DSE: variants seen among roughly 807,000 people sequenced by gnomAD.
The protein encoded by DSE is dermatan-sulfate epimerase.
Under a neutral mutation model 84.4 loss-of-function variants are expected in DSE, and 36 were observed. That is an observed-to-expected ratio of 0.43 (90% confidence interval 0.33 to 0.56). The LOEUF (loss-of-function observed/expected upper bound fraction) is 0.56. Ranked by LOEUF, DSE falls within the 20% of genes least tolerant of loss-of-function variation. DSE has a pLI of 0.06. For synonymous variants in DSE, 410 were observed against 430.1 expected, an observed-to-expected ratio of 0.95 and a Z score of 0.58; for missense variants, 862 against 1,169.6, an observed-to-expected ratio of 0.74 and a Z score of 3.84.
chr6:116,311,591 TAAAA>T (rs1444809860), intron 2 of DSE, among the ~76,000 whole-genome samples: 2 of 152,060 alleles, frequency 1.3e-5, no homozygotes, highest in African/African-American at 4.8e-5. Flanking sequence ...AATGCACCAA[TAAAA>T]AAGAATGAAG....
intron 2 of DSE, among the ~76,000 whole-genome samples, chr6:116,283,520 A>G (rs1047440629): frequency 3.2e-4 from 42 of 132,308 alleles, no homozygotes; most frequent in African/African-American, 1.3e-3. Context: ...AGGTTTGGGT[A>G]GATTCTTTGT....
At position 116,436,915 on chromosome 6, in the gene DSE, A is replaced by G. The variant is rs1784197258; in HGVS notation, c.2447A>G (p.Tyr816Cys). ...SKKNRRAGKR[Y>C]KFVDAVPDIF... is the part of the protein sequence containing the mutation. Reference sequence around the variant, plus strand: ...AAAAACCGAAGGGCAGGCAAACGCTATAAATTTGTGGATGCTGTCCCTGAT... The same window carrying G: ...AAAAACCGAAGGGCAGGCAAACGCTGTAAATTTGTGGATGCTGTCCCTGAT... The change falls in exon 6 of 6, where the codon TAT becomes TGT. Residue 816 changes from tyrosine (Y) to cysteine (C), a missense_variant. By Grantham distance (194) the Tyr-to-Cys change is radical. Transcript: ENST00000644252. 2 of 1,614,052 alleles carry G rather than the reference A, an allele frequency of 1.2e-6. No homozygotes were observed. Among genetic ancestry groups the G allele is most frequent in the Admixed American group, 3.3e-5 (2 of 59,996 alleles).
chr6:116,364,604 T>C (rs1381703988), intron 2 of DSE, among the ~76,000 whole-genome samples: 1 of 152,212 alleles, frequency 6.6e-6, no homozygotes, highest in Non-Finnish European at 1.5e-5. Context: ...TTAACTGCAA[T>C]ATGAAGTCAA....
At chr6:116,276,869 CA>C (rs1773166825) in intron 2 of DSE, 1 of 152,120 alleles carries the variant, frequency 6.6e-6, no homozygotes, top group Non-Finnish European at 1.5e-5. Flanking sequence ...AAGTTGTTAC[CA>C]GGGAAAATTA....
intron 2 of DSE, among the ~76,000 whole-genome samples, chr6:116,269,648 C>G (rs9400896): frequency 3.3e-5 from 5 of 152,048 alleles, no homozygotes; most frequent in Admixed American, 3.3e-4. Context: ...GTATTTTGGG[C>G]TGATAGGGAA....
chr6:116,414,426 T>C (rs1782569394), intron 2 of DSE, among the ~76,000 whole-genome samples: 1 of 152,178 alleles, frequency 6.6e-6, no homozygotes, highest in Non-Finnish European at 1.5e-5. Flanking sequence ...CTCATTTTTT[T>C]TTTTAGGTGG....
In DSE at chr6:116,435,469, T is replaced by C. The variant is rs1234535555; in HGVS notation, c.1119-118T>C. ...GATATTTTTAGAATTGTCCCTAATA[T>C]ACTCTGCACTGCCAGTGCTCTGGGT... On this transcript the variant is annotated intron_variant, in intron 5 of 5. Coordinates refer to ENST00000644252, the MANE Select transcript of DSE (RefSeq NM_013352.4). The C allele has an allele frequency of 1.1e-5, 11 of 991,298 alleles. No homozygotes were observed. In the East Asian group the frequency reaches 1.3e-4, roughly 12 times the overall value. The allele number at this position is 991,298 out of a possible 1,614,324, so 61.4% of individuals were successfully genotyped here. A position where few individuals can be genotyped will look rare whatever the true frequency, so the allele number is the denominator to read the frequency against.
intron 2 of DSE, among the ~76,000 whole-genome samples, chr6:116,406,980 C>T (rs764667463): frequency 1.6e-4 from 24 of 152,022 alleles, no homozygotes; most frequent in Admixed American, 1.4e-3. Flanking sequence ...AAATGAAGAC[C>T]ACAGTTAAAA....
intron 2 of DSE, chr6:116,276,885 G>GT (rs1773167695): frequency 6.6e-6 from 1 of 152,200 alleles, no homozygotes; most frequent in Admixed American, 6.5e-5. Flanking sequence ...AAATTATCAT[G>GT]TAAGACAATC....
At chr6:116,356,481 ATATTT>A (rs1208230466) in intron 2 of DSE, among the ~76,000 whole-genome samples, 2 of 152,238 alleles carry the variant, frequency 1.3e-5, no homozygotes, top group African/African-American at 4.8e-5. Flanking sequence ...TTTTAAAAAC[ATATTT>A]TAATGTGGCA....
chr6:116,309,278 A>AT, intron 2 of DSE, among the ~76,000 whole-genome samples: 1 of 151,868 alleles, frequency 6.6e-6, no homozygotes, highest in Non-Finnish European at 1.5e-5. Context: ...CTAGAAAATA[A>AT]TTTTTTAAAA....
chr6:116,414,654 C>T (rs1054249278), intron 2 of DSE, among the ~76,000 whole-genome samples: 16 of 152,270 alleles, frequency 1.1e-4, no homozygotes, highest in Admixed American at 6.5e-4. Context: ...TCAGGTGATC[C>T]GCCTGCCTCG....
At chr6:116,390,534 A>G (rs1191281305) in intron 1 of DSE, among the ~76,000 whole-genome samples, 1 of 152,240 alleles carries the variant, frequency 6.6e-6, no homozygotes, top group Admixed American at 6.5e-5. Flanking sequence ...GATTCAGCAT[A>G]AAAAATACAC....
chr6:116,362,861 T>C (rs758193114), intron 2 of DSE, among the ~76,000 whole-genome samples: 1 of 152,216 alleles, frequency 6.6e-6, no homozygotes, highest in African/African-American at 2.4e-5. Context: ...TAACCATACT[T>C]GAGAACAAAT....
At chr6:116,316,610 C>A (rs3935474) in intron 2 of DSE, among the ~76,000 whole-genome samples, 8 of 151,344 alleles carry the variant, frequency 5.3e-5, no homozygotes, top group African/African-American at 1.9e-4. Context: ...ATCCCCTCAA[C>A]TCATGAAATA....
At chr6:116,286,189 T>G (rs1016250699) in intron 2 of DSE, among the ~76,000 whole-genome samples, 5 of 152,322 alleles carry the variant, frequency 3.3e-5, no homozygotes, top group Non-Finnish European at 7.4e-5. Flanking sequence ...TGTCCTCTTT[T>G]ATTTCGTTGA....
rs181790874 is a variant in DSE, at chr6:116,399,205, C to G, written c.-46C>G. On this transcript the variant is annotated 5_prime_UTR_variant, in exon 2 of 6. Transcript: ENST00000644252. ...CCTTTTTATCTCACGTAGGATCTTT[C>G]GAAGATGGTTTGGCTGCCTTGGAGA... 6.2e-7 allele frequency: 1 copy of G among 1,610,498 alleles called. No individual in the cohort carries two copies. Among genetic ancestry groups the G allele is most frequent in the Admixed American group, 1.7e-5 (1 of 59,970 alleles).
At chr6:116,311,383 T>C (rs1297473290) in intron 2 of DSE, among the ~76,000 whole-genome samples, 1 of 152,192 alleles carries the variant, frequency 6.6e-6, no homozygotes, top group Non-Finnish European at 1.5e-5. Flanking sequence ...CAGTGAAATA[T>C]AGTAGAAATA....
chr6:116,315,988 T>A (rs1562224796), intron 2 of DSE, among the ~76,000 whole-genome samples: 1 of 151,356 alleles, frequency 6.6e-6, no homozygotes, highest in East Asian at 1.9e-4. Context: ...AGATTCTGTC[T>A]AAAAAAAAAC....
Sources: gnomAD v4.1 joint callset for allele counts (sites outside exome capture counted in the v4.1 genomes callset) on GRCh38, gnomAD v4.1.1 for gene constraint, MANE v1.5 for transcripts, NCBI Gene and HGNC (gene_info 2026-07-23, HGNC 2026-07-21) for gene names.